KANSL1: variants seen among roughly 807,000 people sequenced by gnomAD.
The protein encoded by KANSL1 is MLL1/MLL complex subunit KANSL1.
Under a neutral mutation model 103.6 loss-of-function variants are expected in KANSL1, and 22 were observed. That is an observed-to-expected ratio of 0.21 (90% confidence interval 0.15 to 0.30). The LOEUF (loss-of-function observed/expected upper bound fraction) is 0.30, where lower values mean the gene tolerates loss of function less well. KANSL1 is among the 10% of genes least tolerant of loss of function. The pLI is 1.00. For missense variants in KANSL1, 1,337 were observed against 1,399.8 expected (o/e 0.96, Z 0.72); for synonymous variants, 600 against 527.6 (o/e 1.14, Z -1.88).
intron 3 of KANSL1, among the ~76,000 whole-genome samples, chr17:46,083,233 G>C (rs1331735554): frequency 1.3e-5 from 2 of 151,968 alleles, no homozygotes; most frequent in Non-Finnish European, 2.9e-5. Context: ...AAAGGCAGAA[G>C]GTATCTTATT....
intron 4 of KANSL1, among the ~76,000 whole-genome samples, chr17:46,068,386 A>C (rs1379731384): frequency 2.0e-5 from 3 of 151,986 alleles, no homozygotes; most frequent in African/African-American, 7.3e-5. Flanking sequence ...CAACATGACA[A>C]AACCCCATCT....
chr17:46,130,504 T>C (rs879715419), intron 2 of KANSL1, among the ~76,000 whole-genome samples: 1 of 151,894 alleles, frequency 6.6e-6, no homozygotes, highest in Non-Finnish European at 1.5e-5. Context: ...AAGGACCTGC[T>C]TTGGAATTGT....
At chr17:46,122,422 C>A (rs886659207) in intron 2 of KANSL1, among the ~76,000 whole-genome samples, 3 of 152,194 alleles carry the variant, frequency 2.0e-5, no homozygotes, top group African/African-American at 7.2e-5. Flanking sequence ...GCCATAAATA[C>A]TTAAACAAGT....
At chr17:46,077,323 G>C (rs2078814897) in intron 4 of KANSL1, among the ~76,000 whole-genome samples, 1 of 152,154 alleles carries the variant, frequency 6.6e-6, no homozygotes, top group Admixed American at 6.5e-5. Context: ...AGAGTGCTGG[G>C]ATTACAGGCA....
intron 2 of KANSL1, among the ~76,000 whole-genome samples, chr17:46,133,596 T>A (rs915108099): frequency 6.6e-6 from 1 of 152,218 alleles, no homozygotes; most frequent in Non-Finnish European, 1.5e-5. Context: ...CTAGTGCTTT[T>A]GTATAGTTTT....
intron 2 of KANSL1, among the ~76,000 whole-genome samples, chr17:46,142,169 TGAA>T (rs2044455890): frequency 6.6e-6 from 1 of 152,254 alleles, no homozygotes. Flanking sequence ...TCTGGAAGGA[TGAA>T]GAATTTCTAC....
chr17:46,032,426 C>G, intron 13 of KANSL1, 127 bp from the exon 14 acceptor site: 2 of 708,876 alleles, frequency 2.8e-6, no homozygotes, highest in South Asian at 4.4e-5. Context: ...TCCTTAGGAT[C>G]CAGCAACTCC....
At chr17:46,158,397 T>C (rs1417590613) in intron 2 of KANSL1, among the ~76,000 whole-genome samples, 1 of 151,644 alleles carries the variant, frequency 6.6e-6, no homozygotes, top group Non-Finnish European at 1.5e-5. Context: ...TCTCGCTCAG[T>C]CGCCCAGCTG....
intron 2 of KANSL1, among the ~76,000 whole-genome samples, chr17:46,150,927 CAAAA>C (rs67160662): frequency 0.16 from 21,268 of 134,714 alleles, 1,942 homozygotes; most frequent in Middle Eastern, 0.25. Flanking sequence ...CCTATTCTGT[CAAAA>C]AAAAAAAAAA....
chr17:46,050,536 C>T lies in KANSL1; in HGVS notation c.2017G>A (p.Asp673Asn). 1 of 1,613,928 alleles carries T rather than the reference C, an allele frequency of 6.2e-7. No homozygotes were observed. Among genetic ancestry groups the T allele is most frequent in the Non-Finnish European group, 8.5e-7 (1 of 1,179,854 alleles). The change falls in exon 7 of 15, where the codon GAT becomes AAT. Residue 673 changes from aspartate to asparagine, a missense_variant. Asp to Asn is a conservative substitution (Grantham distance 23, BLOSUM62 1). Around this residue, in one of 2 missense-constraint regions of KANSL1, gnomAD observed 780 missense variants for 923.4 expected, o/e 0.84. Transcript: ENST00000432791. ...TCTAGTCTGTGGTCTTTCTTACCAT[C>T]TGGAAATGCTAGAACAGGATGAACA... ...SCVHPVLAFP[D>N]DVPTSLHFQS...
chr17:46,101,315 TCTCA>T, intron 2 of KANSL1, among the ~76,000 whole-genome samples: 1 of 152,204 alleles, frequency 6.6e-6, no homozygotes, highest in Non-Finnish European at 1.5e-5. Flanking sequence ...GGAGACAAGT[TCTCA>T]CTTTTACTTA....
rs1398148756 is a variant in KANSL1 at position 46,039,049 on chromosome 17, G to C, written c.2370C>G (p.Asp790Glu). The C allele has an allele frequency of 6.2e-7, 1 of 1,611,332 alleles. No homozygotes were observed. The highest frequency in any genetic ancestry group is 1.3e-5 in the African/African-American group (1 of 74,796). Residue 790 changes from aspartate to glutamate, a missense_variant, in exon 9 of 15, where the codon GAC becomes GAG. Asp to Glu is a conservative substitution (Grantham distance 45, BLOSUM62 2). Around this residue, in one of 2 missense-constraint regions of KANSL1, gnomAD observed 780 missense variants for 923.4 expected, o/e 0.84. Transcript: ENST00000432791. ...DPNHSKMRLR[D>E]HSSERSEVLK... ...TACCTTCACTTCTCTCAGATGAATG[G>C]TCTCGCAATCTCATTTTGCTGTGGT...
Position 46,050,668 on chromosome 17 carries a change from C to T in KANSL1, c.1885G>A (p.Val629Met). The T allele has an allele frequency of 3.1e-6, 5 of 1,614,122 alleles. No individual in the cohort carries two copies. Among genetic ancestry groups the T allele is most frequent in the Non-Finnish European group, 3.4e-6 (4 of 1,179,984 alleles). ...CCACACAGTGCGCAGGAGGGATTCA[C>T]ATCACAGCCAGGGCGGATTGTGCTG... ...RNSTIRPGCD[V>M]NPSCALCGSG... Residue 629 changes from valine (V) to methionine (M), a missense_variant, in exon 7 of 15, where the codon GTG (valine) becomes ATG (methionine). Physicochemically the swap from Val to Met is conservative, Grantham distance 21 (BLOSUM62 1). Around this residue, in one of 2 missense-constraint regions of KANSL1, gnomAD observed 780 missense variants for 923.4 expected, o/e 0.84. Coordinates refer to ENST00000432791, the MANE Select transcript of KANSL1 (RefSeq NM_015443.4).
chr17:46,138,338 A>G (rs961666237), intron 2 of KANSL1, among the ~76,000 whole-genome samples: 1 of 152,262 alleles, frequency 6.6e-6, no homozygotes, highest in African/African-American at 2.4e-5. Flanking sequence ...TGTACTGAAT[A>G]TGTACAGACT....
At chr17:46,184,864 G>C (rs1243166088) in intron 1 of KANSL1, among the ~76,000 whole-genome samples, 2 of 124,070 alleles carry the variant, frequency 1.6e-5, no homozygotes, top group African/African-American at 3.1e-5. Context: ...TTTTGAAACA[G>C]AGCCTCTCAT....
intron 2 of KANSL1, among the ~76,000 whole-genome samples, chr17:46,131,995 C>A (rs572098319): frequency 6.6e-6 from 1 of 151,976 alleles, no homozygotes; most frequent in Admixed American, 6.5e-5. Context: ...GGCATGACGG[C>A]GCGTGCCTGT....
intron 1 of KANSL1, among the ~76,000 whole-genome samples, 177 bp from the exon 2 acceptor site, chr17:46,172,409 G>A (rs1204450439): frequency 1.3e-5 from 2 of 152,212 alleles, no homozygotes; most frequent in African/African-American, 2.4e-5. Flanking sequence ...CTGGGAGAAA[G>A]GGGGAGGCAA....
chr17:46,128,845 G>A (rs889304827), intron 2 of KANSL1, among the ~76,000 whole-genome samples: 4 of 152,200 alleles, frequency 2.6e-5, no homozygotes, highest in African/African-American at 9.7e-5. Flanking sequence ...GTCTACGTGT[G>A]ACAGGAAGCC....
chr17:46,076,388 C>A (rs565369380), intron 4 of KANSL1, among the ~76,000 whole-genome samples: 1 of 150,824 alleles, frequency 6.6e-6, no homozygotes, highest in Non-Finnish European at 1.5e-5. Flanking sequence ...CCCAGCTACT[C>A]GGGAGGCTGA....
Sources: gnomAD v4.1 joint callset for allele counts (sites outside exome capture counted in the v4.1 genomes callset) on GRCh38, gnomAD v4.1.1 for gene constraint, gnomAD v4.1.1 regional missense constraint, MANE v1.5 for transcripts, NCBI Gene and HGNC (gene_info 2026-07-23, HGNC 2026-07-21) for gene names.